The following XPO4 variants were observed in gnomAD, a reference collection of about 807,000 sequenced individuals.
The protein encoded by XPO4 is exportin-4.
In XPO4, 39 loss-of-function variants were observed where a neutral mutation model predicts 143.0. That is an observed-to-expected ratio of 0.27 (90% CI 0.21 to 0.36). The LOEUF is 0.36. Among genes scored for constraint, XPO4 ranks in the 10% least tolerant of loss-of-function variants. The probability of loss-of-function intolerance (pLI) is 1.00; values close to 1 mark genes in which losing one functional copy is unlikely to be tolerated. For missense variants in XPO4, 907 were observed against 1,348.0 expected, an observed-to-expected ratio of 0.67 and a Z score of 5.12; for synonymous variants, 439 against 474.0, an observed-to-expected ratio of 0.93 and a Z score of 0.96.
intron 4 of XPO4, chr13:20,848,824 T>G: frequency 2.0e-6 from 2 of 985,338 alleles, no homozygotes; most frequent in Non-Finnish European, 2.4e-6. Context: ...AAGACAATTT[T>G]AATATGTCAA....
chr13:20,852,761 A>G lies in XPO4; in HGVS notation c.456+2866T>C, dbSNP rs145237619. 2.1e-4 allele frequency: 205 copies of G among 984,496 alleles called. 2 individuals carry two copies. In the East Asian group the frequency reaches 0.019, roughly 93 times the overall value. 61.0% of individuals were successfully genotyped at this position (984,496 alleles called of 1,614,324 possible). On this transcript the variant is annotated intron_variant, in intron 4 of 22. Transcript: ENST00000255305. ...TAAAAAAGACTAGAAGAAAACCTGA[A>G]CAAATGAAAATTGCTTGACTGAGAG... is the stretch of plus-strand genomic sequence containing the variant.
intron 9 of XPO4, among the ~76,000 whole-genome samples, chr13:20,816,490 T>C (rs1173746247): frequency 6.6e-6 from 1 of 152,238 alleles, no homozygotes; most frequent in African/African-American, 2.4e-5. Flanking sequence ...AACTTCAGAA[T>C]ACCTATGCAG....
intron 6 of XPO4, among the ~76,000 whole-genome samples, chr13:20,833,899 C>T (rs1595110927): frequency 6.6e-6 from 1 of 152,236 alleles, no homozygotes; most frequent in East Asian, 1.9e-4. Flanking sequence ...GATGAGACCG[C>T]CCCGGACCCC....
intron 1 of XPO4, among the ~76,000 whole-genome samples, chr13:20,881,778 A>ACTAAACAGAT (rs1206565275): frequency 2.0e-5 from 3 of 152,140 alleles, no homozygotes; most frequent in African/African-American, 7.2e-5. Context: ...TTAAAAACTC[A>ACTAAACAGAT]CTAAACAGAT....
chr13:20,891,128 A>T (rs1307776867), intron 1 of XPO4, among the ~76,000 whole-genome samples: 1 of 62,198 alleles, frequency 1.6e-5, no homozygotes, highest in Middle Eastern at 9.6e-3. Flanking sequence ...AATTTAAAAA[A>T]AAAAAAAAAA....
chr13:20,843,359 A>G (rs1047545513), intron 5 of XPO4, among the ~76,000 whole-genome samples: 3 of 152,192 alleles, frequency 2.0e-5, no homozygotes, highest in African/African-American at 7.2e-5. Flanking sequence ...CAATGCCTTC[A>G]CATAACTTTA....
intron 17 of XPO4, 40 bp from the exon 18 acceptor site, chr13:20,796,296 C>T (rs1234356189): frequency 7.1e-7 from 1 of 1,413,810 alleles, no homozygotes; most frequent in South Asian, 1.7e-5. Flanking sequence ...CTACTTGGTA[C>T]ACTGACATTA....
intron 1 of XPO4, among the ~76,000 whole-genome samples, chr13:20,887,629 T>G (rs1440601093): frequency 6.6e-6 from 1 of 151,592 alleles, no homozygotes; most frequent in Non-Finnish European, 1.5e-5. Flanking sequence ...CTGAGGCTGG[T>G]GGATCGCTTG....
chr13:20,798,579 C>A (rs1403260316), intron 16 of XPO4, among the ~76,000 whole-genome samples: 1 of 152,178 alleles, frequency 6.6e-6, no homozygotes, highest in African/African-American at 2.4e-5. Flanking sequence ...ATGCTCTCGA[C>A]TGAGTTGTGA....
chr13:20,835,130 A>C (rs1397175966), intron 6 of XPO4, among the ~76,000 whole-genome samples: 1 of 152,146 alleles, frequency 6.6e-6, no homozygotes. Flanking sequence ...TTGGCCTCCC[A>C]AAGTGCTGAG....
intron 4 of XPO4, among the ~76,000 whole-genome samples, chr13:20,854,110 AG>A (rs1314535654): frequency 6.6e-6 from 1 of 152,226 alleles, no homozygotes; most frequent in Non-Finnish European, 1.5e-5. Flanking sequence ...AATAAAGTTA[AG>A]GAAAAAAAAG....
At chr13:20,855,149 T>C (rs1452849056) in intron 4 of XPO4, among the ~76,000 whole-genome samples, 3 of 152,110 alleles carry the variant, frequency 2.0e-5, no homozygotes, top group African/African-American at 7.2e-5. Context: ...ATTTATATTA[T>C]GTACATATAT....
chr13:20,797,318 C>T (rs1595063360), intron 16 of XPO4, among the ~76,000 whole-genome samples: 1 of 152,120 alleles, frequency 6.6e-6, no homozygotes, highest in Admixed American at 6.5e-5. Flanking sequence ...CCCTCCATCT[C>T]TTTCCAAGTA....
Position 20,800,276 on chromosome 13 carries a change from T to C in XPO4, c.2027A>G (p.Gln676Arg). 1 of 1,614,062 alleles carries C rather than the reference T, an allele frequency of 6.2e-7. No individual in the cohort carries two copies. Among genetic ancestry groups the C allele is most frequent in the South Asian group, 1.1e-5 (1 of 91,072 alleles). ...TAFGADTEGS[Q>R]WIIGYLLQKV... ...TTGTAAGAGGTAGCCAATTATCCAC[T>C]GAGAACCCTCTGTATCTGCTCCGAA... The change falls in exon 15 of 23, where the codon CAG becomes CGG. Residue 676 changes from glutamine (Q) to arginine (R), a missense_variant. By Grantham distance (43) the Gln-to-Arg change is conservative. Coordinates refer to ENST00000255305, the MANE Select transcript of XPO4 (RefSeq NM_022459.5).
In XPO4 at chr13:20,851,205, G is replaced by A. The variant is rs1053223538; in HGVS notation, c.456+4422C>T. The A allele has an allele frequency of 2.7e-5, 27 of 985,262 alleles. No individual in the cohort carries two copies. In the African/African-American group the frequency reaches 4.7e-4, roughly 17 times the overall value. The allele number at this position is 985,262 out of a possible 1,614,324, so 61.0% of individuals were successfully genotyped here. A position where few individuals can be genotyped will look rare whatever the true frequency, so the allele number is the denominator to read the frequency against. ...GAAAATGTCTGAACTTCATTTTTTAGGCCTTCCTATTGAGCTAGTTTCAAG... is the reference window on the plus strand; with the variant it reads ...GAAAATGTCTGAACTTCATTTTTTAAGCCTTCCTATTGAGCTAGTTTCAAG... On this transcript the variant is annotated intron_variant, in intron 4 of 22. Transcript: ENST00000255305.
intron 1 of XPO4, among the ~76,000 whole-genome samples, chr13:20,893,626 C>T (rs2060539973): frequency 6.6e-6 from 1 of 151,892 alleles, no homozygotes; most frequent in African/African-American, 2.4e-5. Flanking sequence ...CATGGTGGCA[C>T]GTGCCTGTAA....
chr13:20,853,700 C>T (rs9552289), intron 4 of XPO4, among the ~76,000 whole-genome samples: 35,170 of 152,030 alleles, frequency 0.23, 5,740 homozygotes, highest in East Asian at 0.8. Flanking sequence ...ATTAAATTAT[C>T]GGTCTTTAGA....
chr13:20,854,190 C>T (rs1386928765), intron 4 of XPO4, among the ~76,000 whole-genome samples: 3 of 152,100 alleles, frequency 2.0e-5, no homozygotes, highest in Non-Finnish European at 4.4e-5. Context: ...ATAGTAAGTT[C>T]CAAAGTCCTG....
chr13:20,885,838 TAATCAAA>T (rs1262041209), intron 1 of XPO4, among the ~76,000 whole-genome samples: 2 of 152,004 alleles, frequency 1.3e-5, no homozygotes, highest in African/African-American at 4.8e-5. Context: ...AAAAAAATTC[TAATCAAA>T]ATAAAGTTAA....
Sources: gnomAD v4.1 joint callset for allele counts (sites outside exome capture counted in the v4.1 genomes callset) on GRCh38, gnomAD v4.1.1 for gene constraint, MANE v1.5 for transcripts, NCBI Gene and HGNC (gene_info 2026-07-23, HGNC 2026-07-21) for gene names.